Variants in UIMC1 observed in about 807,000 individuals in gnomAD.
UIMC1 encodes the protein ubiquitin interaction motif containing 1.
A neutral mutation model predicts 84.9 loss-of-function variants in UIMC1; 42 were observed. The ratio of observed to expected loss-of-function variants is 0.49; its 90% CI spans 0.39 to 0.64. The LOEUF (loss-of-function observed/expected upper bound fraction) is 0.64, where lower values mean the gene tolerates loss of function less well. Ranked by LOEUF, UIMC1 falls within the 30% of genes least tolerant of loss-of-function variation. The pLI, the probability that UIMC1 is intolerant of heterozygous loss-of-function variation, is 0.00. For missense variants in UIMC1, 825 were observed against 847.6 expected, an observed-to-expected ratio of 0.97 and a Z score of 0.33; for synonymous variants, 281 against 293.0, an observed-to-expected ratio of 0.96 and a Z score of 0.42.
intron 4 of UIMC1, 189 bp downstream of exon 4, chr5:176,970,553 A>G (rs1769054630): frequency 2.4e-6 from 2 of 837,658 alleles, no homozygotes; most frequent in East Asian, 2.7e-5. Context: ...TTCATATAGA[A>G]TTAACAAAAT....
Position 176,943,389 on chromosome 5 carries a change from T to C in UIMC1, c.1543A>G (p.Thr515Ala), listed in dbSNP as rs1764689418. ...CPLCDQCFPP[T>A]KIERHAMYCN... ...TACATGGCATGTCGTTCAATCTTTG[T>C]GGGTGGAAAGCATTGGTCACATAGC... Residue 515 changes from threonine to alanine, a missense_variant, in exon 10 of 15, where the codon ACA (threonine) becomes GCA (alanine). Physicochemically the swap from Thr to Ala is moderately conservative, Grantham distance 58 (BLOSUM62 0). Transcript: ENST00000511320. 4 of 1,614,062 alleles carry C rather than the reference T, an allele frequency of 2.5e-6. No homozygotes were observed. The highest frequency in any genetic ancestry group is 1.1e-5 in the South Asian group (1 of 91,092).
intron 1 of UIMC1, among the ~76,000 whole-genome samples, chr5:176,983,132 C>G (rs115156813): frequency 0.062 from 9,494 of 151,976 alleles, 391 homozygotes; most frequent in Admixed American, 0.088. Context: ...CCATGCCCAG[C>G]CTCAATTTAA....
intron 1 of UIMC1, among the ~76,000 whole-genome samples, chr5:176,998,649 C>G (rs1414873334): frequency 1.3e-5 from 2 of 151,816 alleles, no homozygotes; most frequent in Non-Finnish European, 2.9e-5. Flanking sequence ...TGCCTGTAAT[C>G]CCAGCTACTC....
chr5:176,997,726 C>G lies in UIMC1; in HGVS notation c.-9+8924G>C, dbSNP rs545704997. On this transcript the variant is annotated intron_variant, in intron 1 of 14. Coordinates refer to ENST00000511320, the MANE Select transcript of UIMC1 (RefSeq NM_001199298.2). The stretch of plus-strand genomic sequence containing the variant: ...AAAAACCCATTTCAATGGTTTCCCA[C>G]TATTTTTATAGTTAGGACATTTTTG... Among the ~76,000 whole-genome samples, 9 of 150,800 alleles carry G rather than the reference C, an allele frequency of 6.0e-5. No individual in the cohort carries two copies. In the South Asian group the frequency reaches 1.7e-3, roughly 28 times the overall value.
In UIMC1 at chr5:176,969,632, T is replaced by A. The variant is rs1262296849; in HGVS notation, c.432A>T (p.Gln144His). The A allele has an allele frequency of 1.2e-6, 2 of 1,614,140 alleles. No homozygotes were observed. Among genetic ancestry groups the A allele is most frequent in the Middle Eastern group, 3.3e-4 (2 of 6,062 alleles). The stretch of plus-strand genomic sequence containing the variant: ...TGAGCCCAGAGTCTGTGGTTTTCTC[T>A]TGATGGGACTGGGAAGACGGTCCAG... ...LATGPSSQSH[Q>H]EKTTDSGLTE... is the part of the protein sequence containing the mutation. The change falls in exon 5 of 15, where the codon CAA (glutamine) becomes CAT (histidine). Residue 144 changes from glutamine to histidine, a missense_variant. Transcript: ENST00000511320.
chr5:176,943,210 A>AC, intron 10 of UIMC1, 125 bp downstream of exon 10: 3 of 1,261,086 alleles, frequency 2.4e-6, no homozygotes, highest in Non-Finnish European at 3.2e-6. Context: ...GATAGAAAAA[A>AC]CCCAAGACCA....
At chr5:176,909,548 G>A (rs1759840849) in intron 11 of UIMC1, among the ~76,000 whole-genome samples, 1 of 152,076 alleles carries the variant, frequency 6.6e-6, no homozygotes, top group South Asian at 2.1e-4. Context: ...GTTTTAAGAA[G>A]CTAAAAAAAT....
At chr5:176,952,683 A>G (rs1766039315) in intron 8 of UIMC1, among the ~76,000 whole-genome samples, 1 of 152,112 alleles carries the variant, frequency 6.6e-6, no homozygotes, top group South Asian at 2.1e-4. Context: ...TGCAATCCCA[A>G]TGCTTTGGGA....
At chr5:176,920,989 G>A (rs976191909) in intron 10 of UIMC1, among the ~76,000 whole-genome samples, 1 of 152,192 alleles carries the variant, frequency 6.6e-6, no homozygotes, top group Non-Finnish European at 1.5e-5. Context: ...TTGTCATGAA[G>A]GAGTATTGAA....
Position 176,998,466 on chromosome 5 carries a change from C to CAAAAAAAAAAA in UIMC1, c.-9+8173_-9+8183dup. Among the ~76,000 whole-genome samples, 7 of 64,394 alleles carry CAAAAAAAAAAA rather than the reference C, an allele frequency of 1.1e-4. 1 individual carries two copies. The highest frequency in any genetic ancestry group is 1.6e-4 in the Non-Finnish European group (6 of 37,406). The allele number at this position is 64,394 out of a possible 152,430, so 42.2% of individuals were successfully genotyped here. A position where few individuals can be genotyped will look rare whatever the true frequency, so the allele number is the denominator to read the frequency against. On this transcript the variant is annotated intron_variant, in intron 1 of 14. Coordinates refer to ENST00000511320, the MANE Select transcript of UIMC1 (RefSeq NM_001199298.2). Reference sequence around the variant, plus strand: ...TGGACGACAGAGCAAGACTCTGTCTCAAAAAAAAAAAAAAAAAAAGTCTGG... The same window carrying CAAAAAAAAAAA: ...TGGACGACAGAGCAAGACTCTGTCTCAAAAAAAAAAAAAAAAAAAAAAAAAAAAAAGTCTGG...
At chr5:176,983,431 C>T (rs1381466998) in intron 1 of UIMC1, among the ~76,000 whole-genome samples, 1 of 152,126 alleles carries the variant, frequency 6.6e-6, no homozygotes, top group Non-Finnish European at 1.5e-5. Flanking sequence ...GACCGGGTTT[C>T]GCCATGTTGA....
At chr5:177,009,183 GT>G (rs532623316), upstream of UIMC1, among the ~76,000 whole-genome samples, 1,376 of 151,634 alleles carry the variant, frequency 9.1e-3, 8 homozygotes, top group South Asian at 0.025. The surrounding 1 kb of genome is among the most constrained non-coding windows in gnomAD (Gnocchi z 4.3). Flanking sequence ...TTTTTTCGTT[GT>G]TTTTTTGTGG....
rs139324461 is a variant in UIMC1, at chr5:176,922,698, C to T, written c.1598-11309G>A. Among the ~76,000 whole-genome samples, 11 of 152,188 alleles carry T rather than the reference C, an allele frequency of 7.2e-5. No homozygotes were observed. The East Asian group carries it at 1.9e-3, about 27-fold the overall frequency. ...TACAATTTCATCTAAATTCTGATGA[C>T]GTTTTTAGAGTAGATTTTCAAACTT... On this transcript the variant is annotated intron_variant, in intron 10 of 14. Transcript: ENST00000511320.
At chr5:176,966,768 A>G (rs555049506) in intron 6 of UIMC1, among the ~76,000 whole-genome samples, 63 of 152,318 alleles carry the variant, frequency 4.1e-4, no homozygotes, top group African/African-American at 1.2e-3. Context: ...ACCATTATGT[A>G]ATGGGAAAAA....
chr5:176,985,411 G>A (rs1371160685), intron 1 of UIMC1, among the ~76,000 whole-genome samples: 2 of 147,574 alleles, frequency 1.4e-5, no homozygotes, highest in Admixed American at 6.8e-5. Flanking sequence ...AGCTGAGATC[G>A]CACCACTGCA....
intron 10 of UIMC1, among the ~76,000 whole-genome samples, chr5:176,913,308 T>C (rs1760507472): frequency 6.6e-6 from 1 of 152,242 alleles, no homozygotes; most frequent in Non-Finnish European, 1.5e-5. Context: ...TCCCCAGTTT[T>C]AATGGTATGG....
At chr5:176,971,677 G>C (rs545810384) in intron 3 of UIMC1, among the ~76,000 whole-genome samples, 1 of 152,312 alleles carries the variant, frequency 6.6e-6, no homozygotes, top group Admixed American at 6.5e-5. Flanking sequence ...GGGAGGCCAA[G>C]GTGGGAGGAT....
chr5:176,908,634 C>T lies in UIMC1; in HGVS notation c.1737G>A (p.Val579=), dbSNP rs773843343. The stretch of plus-strand genomic sequence containing the variant: ...CCTTTGCAAGCTGGAGACAGGAGTC[C>T]ACATGACACTGATACTCTCTAAATG... ...LVPFREYQCH[V]DSCLQLAKAD... is the part of the protein sequence containing the mutation. The change falls in exon 12 of 15, where the codon GTG becomes GTA. Residue 579 remains valine, a synonymous_variant. Transcript: ENST00000511320. 2.5e-6 allele frequency: 4 copies of T among 1,614,074 alleles called. No individual in the cohort carries two copies. Among genetic ancestry groups the T allele is most frequent in the Non-Finnish European group, 3.4e-6 (4 of 1,180,024 alleles).
At chr5:176,979,791 C>T (rs952529144) in intron 2 of UIMC1, among the ~76,000 whole-genome samples, 5 of 152,106 alleles carry the variant, frequency 3.3e-5, no homozygotes, top group South Asian at 2.1e-4. Context: ...AAAGGTCTCC[C>T]GGAAATACTA....
Sources: gnomAD v4.1 joint callset for allele counts (sites outside exome capture counted in the v4.1 genomes callset) on GRCh38, gnomAD v4.1.1 for gene constraint, Gnocchi (gnomAD v3.1) non-coding constraint, MANE v1.5 for transcripts, NCBI Gene and HGNC (gene_info 2026-07-23, HGNC 2026-07-21) for gene names.